The following CIAO3 variants were observed in gnomAD, a reference collection of about 807,000 sequenced individuals.
CIAO3 encodes cytosolic iron-sulfur assembly component 3.
Under a neutral mutation model 51.5 loss-of-function variants are expected in CIAO3, and 45 were observed. That is an observed-to-expected ratio of 0.87 (90% CI 0.69 to 1.12). The LOEUF (loss-of-function observed/expected upper bound fraction) is 1.12, where lower values mean the gene tolerates loss of function less well. Ranked by LOEUF, CIAO3 falls within the 50% of genes most tolerant of loss-of-function variation. The probability of loss-of-function intolerance (pLI) is 0.00; values close to 1 mark genes in which losing one functional copy is unlikely to be tolerated. For missense variants in CIAO3, 668 were observed against 632.5 expected, an observed-to-expected ratio of 1.06 and a Z score of -0.60; for synonymous variants, 314 against 269.3, an observed-to-expected ratio of 1.17 and a Z score of -1.63.
At position 730,226 on chromosome 16, in the gene CIAO3, G is replaced by T; in HGVS notation, c.*191C>A. 1.6e-6 allele frequency: 1 copy of T among 623,160 alleles called. No individual in the cohort carries two copies. Among genetic ancestry groups the T allele is most frequent in the South Asian group, 1.9e-5 (1 of 51,344 alleles). 38.6% of individuals were successfully genotyped at this position (623,160 alleles called of 1,614,324 possible). ...ACCCCACCCCACCTGGGCAGAGCCA[G>T]TGGGAACCCAGAGGCACCCAACTGG... is the stretch of plus-strand genomic sequence containing the variant. On this transcript the variant is annotated 3_prime_UTR_variant, in exon 11 of 11. Coordinates refer to ENST00000251588, the MANE Select transcript of CIAO3 (RefSeq NM_022493.3).
Position 737,064 on chromosome 16 carries a change from A to T in CIAO3, c.306+122T>A. 7.8e-7 allele frequency: 1 copy of T among 1,287,354 alleles called. No individual in the cohort carries two copies. The highest frequency in any genetic ancestry group is 1.1e-6 in the Non-Finnish European group (1 of 912,206). The allele number at this position is 1,287,354 out of a possible 1,614,324, so 79.7% of individuals were successfully genotyped here. A position where few individuals can be genotyped will look rare whatever the true frequency, so the allele number is the denominator to read the frequency against. ...ATCACCAAGATTCCAAGCCTCAAAA[A>T]GGCAGGCGCCACCCGCACGACGGAC... On this transcript the variant is annotated intron_variant, in intron 3 of 10. Coordinates refer to ENST00000251588, the MANE Select transcript of CIAO3 (RefSeq NM_022493.3). The surrounding 1 kb of genome is among the most constrained non-coding windows in gnomAD (Gnocchi z 5.3).
intron 6 of CIAO3, chr16:733,722 CG>C: frequency 2.3e-6 from 1 of 434,772 alleles, no homozygotes; most frequent in Non-Finnish European, 4.3e-6. Flanking sequence ...GCACAGCAGC[CG>C]GGGAAACGGA....
rs1398171670 is a variant in CIAO3, at chr16:730,260, A to G, written c.*157T>C. On this transcript the variant is annotated 3_prime_UTR_variant, in exon 11 of 11. Coordinates refer to ENST00000251588, the MANE Select transcript of CIAO3 (RefSeq NM_022493.3). Reference sequence around the variant, plus strand: ...CAGAGGCACCCAACTGGAGGTGACGAGGCGGCTGCGGGTCCTGGCTAGTCC... The same window carrying G: ...CAGAGGCACCCAACTGGAGGTGACGGGGCGGCTGCGGGTCCTGGCTAGTCC... 8.4e-6 allele frequency: 6 copies of G among 716,682 alleles called. No homozygotes were observed. In the East Asian group the frequency reaches 1.3e-4, roughly 16 times the overall value. 44.4% of individuals were successfully genotyped at this position (716,682 alleles called of 1,614,324 possible).
intron 1 of CIAO3, chr16:740,144 G>A: frequency 7.8e-7 from 1 of 1,287,820 alleles, no homozygotes; most frequent in Non-Finnish European, 1.0e-6. Context: ...CGGGAAACAA[G>A]TGGATTTCTC....
At chr16:740,248 C>G in intron 1 of CIAO3, 1 of 478,978 alleles carries the variant, frequency 2.1e-6, no homozygotes, top group Non-Finnish European at 3.6e-6. Context: ...TCGCCCTGCT[C>G]AGCTCTGGCC....
intron 1 of CIAO3, chr16:740,606 C>T (rs376708726): frequency 6.4e-6 from 3 of 468,434 alleles, no homozygotes; most frequent in African/African-American, 6.2e-5. Flanking sequence ...GCCTCTGCTG[C>T]CTCCTCTGGG....
At position 736,301 on chromosome 16, in the gene CIAO3, G is replaced by A. The variant is rs761406434; in HGVS notation, c.404C>T (p.Thr135Ile). ...AARFQLNPTD[T>I]ARKLTSFFKK... ...AAAGAATGAGGTTAATTTCCTGGCAGTATCTGTAGGATTCAGCTGAAACCG... is the reference window on the plus strand; with the variant it reads ...AAAGAATGAGGTTAATTTCCTGGCAATATCTGTAGGATTCAGCTGAAACCG... The change falls in exon 4 of 11, where the codon ACT (threonine) becomes ATT (isoleucine). Residue 135 changes from threonine (T) to isoleucine (I), a missense_variant. By Grantham distance (89) the Thr-to-Ile change is moderately conservative. Coordinates refer to ENST00000251588, the MANE Select transcript of CIAO3 (RefSeq NM_022493.3). 7 of 1,612,920 alleles carry A rather than the reference G, an allele frequency of 4.3e-6. No individual in the cohort carries two copies. In the African/African-American group the frequency reaches 9.3e-5, roughly 22 times the overall value.
At chr16:739,337 T>G in intron 2 of CIAO3, 1 of 377,044 alleles carries the variant, frequency 2.7e-6, no homozygotes, top group South Asian at 3.0e-5. Flanking sequence ...GAACGAGGGG[T>G]CTGAATTAGA....
chr16:730,600 G>A lies in CIAO3; in HGVS notation c.1248C>T (p.Leu416=), dbSNP rs778446444. 6.8e-6 allele frequency: 11 copies of A among 1,610,600 alleles called. No individual in the cohort carries two copies. The highest frequency in any genetic ancestry group is 2.2e-5 in the South Asian group (2 of 91,088). ...LQAPDRPSRE[L]LQHVERLYGM... is the part of the protein sequence containing the mutation. ...CGTACAGTCTCTCCACGTGCTGGAG[G>A]AGCTCTCTGCTGGGCCTGTCTGGGG... Residue 416 remains leucine, a synonymous_variant, in exon 11 of 11, where the codon CTC becomes CTT. Transcript: ENST00000251588.
chr16:734,697 C>G (rs1420536802), intron 5 of CIAO3, 40 bp downstream of exon 5: 2 of 1,612,760 alleles, frequency 1.2e-6, no homozygotes, highest in Admixed American at 1.7e-5. Flanking sequence ...TTCAACTGCA[C>G]TTGAACTTGA....
rs2151598989 is a variant in CIAO3 at position 730,097 on chromosome 16, C to G, written c.*320G>C. 1 of 479,404 alleles carries G rather than the reference C, an allele frequency of 2.1e-6. No individual in the cohort carries two copies. The highest frequency in any genetic ancestry group is 2.4e-5 in the South Asian group (1 of 42,154). 29.7% of individuals were successfully genotyped at this position (479,404 alleles called of 1,614,324 possible). A position where few individuals can be genotyped will look rare whatever the true frequency, so the allele number is the denominator to read the frequency against. ...GGGACAGGCTGAAGCCCCTCACGCA[C>G]TTGGGTGCCCGACCAGCAGCAGCAA... is the stretch of plus-strand genomic sequence containing the variant. On this transcript the variant is annotated 3_prime_UTR_variant, in exon 11 of 11. Coordinates refer to ENST00000251588, the MANE Select transcript of CIAO3 (RefSeq NM_022493.3).
chr16:739,966 C>T, intron 1 of CIAO3: 1 of 1,467,206 alleles, frequency 6.8e-7, no homozygotes, highest in Non-Finnish European at 9.2e-7. Context: ...TGCAGGAAGG[C>T]CAGTGCTAAC....
chr16:740,220 C>T, intron 1 of CIAO3: 1 of 713,604 alleles, frequency 1.4e-6, no homozygotes, highest in Non-Finnish European at 2.1e-6. Flanking sequence ...GCCGGAAGCG[C>T]TCCCAGCAGC....
At chr16:735,162 T>G in intron 4 of CIAO3, 1 of 379,130 alleles carries the variant, frequency 2.6e-6, no homozygotes, top group African/African-American at 2.0e-5. Context: ...CCCTCCCAGC[T>G]CTTCAGCGTG....
At chr16:731,879 T>A in intron 8 of CIAO3, 177 bp from the exon 9 acceptor site, 1 of 863,856 alleles carries the variant, frequency 1.2e-6, no homozygotes, top group Non-Finnish European at 1.7e-6. Flanking sequence ...CTTCTTGTTT[T>A]TTTTTTTGAG....
intron 9 of CIAO3, 144 bp from the exon 10 acceptor site, chr16:731,144 G>T: frequency 9.4e-7 from 1 of 1,066,414 alleles, no homozygotes. Context: ...GGAAGGACAA[G>T]AACGGAGAGA....
At chr16:732,751 C>G (rs2041298127) in intron 7 of CIAO3, 1 of 353,452 alleles carries the variant, frequency 2.8e-6, no homozygotes, top group Non-Finnish European at 5.6e-6. Flanking sequence ...ACTCTCCTGC[C>G]TCAGCCTCCC....
rs573100652 is a variant in CIAO3 at position 734,998 on chromosome 16, C to T, written c.440-127G>A. 3.1e-4 allele frequency: 407 copies of T among 1,312,890 alleles called. 2 individuals are homozygous for T. The South Asian group carries it at 6.0e-3, about 19-fold the overall frequency. The allele number at this position is 1,312,890 out of a possible 1,614,324, so 81.3% of individuals were successfully genotyped here. A position where few individuals can be genotyped will look rare whatever the true frequency, so the allele number is the denominator to read the frequency against. Reference sequence around the variant, plus strand: ...GCACCTGCTTGCCGTGCCAAAGCCCCGGCCCCACCGTGGGGACCTCCTAAA... The same window carrying T: ...GCACCTGCTTGCCGTGCCAAAGCCCTGGCCCCACCGTGGGGACCTCCTAAA... On this transcript the variant is annotated intron_variant, in intron 4 of 10. Transcript: ENST00000251588.
Position 739,009 on chromosome 16 carries a change from G to GGGTCT in CIAO3, c.162+629_162+633dup, listed in dbSNP as rs1169512045. On this transcript the variant is annotated intron_variant, in intron 2 of 10. Coordinates refer to ENST00000251588, the MANE Select transcript of CIAO3 (RefSeq NM_022493.3). ...GGAAGTACTATTCTTTAAGAATGAG[G>GGGTCT]GGTCTGGGCTGGGCGCGGTGGCTCA... Among the ~76,000 whole-genome samples, 17 of 150,510 alleles carry GGGTCT rather than the reference G, an allele frequency of 1.1e-4. No homozygotes were observed. In the South Asian group the frequency reaches 2.8e-3, roughly 24 times the overall value.
Sources: allele counts gnomAD v4.1 joint callset (sites outside exome capture counted in the v4.1 genomes callset), GRCh38; gene constraint gnomAD v4.1.1; non-coding constraint Gnocchi (gnomAD v3.1); transcripts MANE v1.5; gene names NCBI Gene and HGNC (gene_info 2026-07-23, HGNC 2026-07-21).